The following PARD3 variants were observed in gnomAD, a reference collection of about 807,000 sequenced individuals.
PARD3 encodes par-3 family cell polarity regulator, also known as partitioning defective 3 homolog.
PARD3 carries 75 observed loss-of-function variants against 155.4 expected under a neutral mutation model. The observed-to-expected ratio is 0.48, with a 90% confidence interval of 0.40 to 0.58. The LOEUF (loss-of-function observed/expected upper bound fraction) is 0.58, where lower values mean the gene tolerates loss of function less well. Ranked by LOEUF, PARD3 falls within the 20% of genes least tolerant of loss-of-function variation. PARD3 has a pLI of 0.00. For synonymous variants in PARD3, 576 were observed against 610.5 expected, an observed-to-expected ratio of 0.94 and a Z score of 0.83; for missense variants, 1,642 against 1,721.7, an observed-to-expected ratio of 0.95 and a Z score of 0.82.
At chr10:34,489,143 G>C (rs1194296238) in intron 3 of PARD3, among the ~76,000 whole-genome samples, 1 of 152,184 alleles carries the variant, frequency 6.6e-6, no homozygotes, top group African/African-American at 2.4e-5. Flanking sequence ...TTCTAGACCA[G>C]CCTGGCCAAG....
chr10:34,491,342 C>G (rs1186405633), intron 3 of PARD3, among the ~76,000 whole-genome samples: 2 of 152,214 alleles, frequency 1.3e-5, no homozygotes, highest in East Asian at 3.8e-4. Flanking sequence ...GTTCTATCAA[C>G]TCAGAAAAGA....
At chr10:34,604,342 A>G (rs1003523587) in intron 2 of PARD3, among the ~76,000 whole-genome samples, 5 of 152,056 alleles carry the variant, frequency 3.3e-5, no homozygotes, top group Non-Finnish European at 7.4e-5. Context: ...GGCGAAATGT[A>G]GTCAGCTTCC....
chr10:34,143,052 T>C (rs1588913398), intron 22 of PARD3, among the ~76,000 whole-genome samples: 1 of 152,282 alleles, frequency 6.6e-6, no homozygotes, highest in East Asian at 1.9e-4. Context: ...CTGGGGGCGG[T>C]GGCTTATGCC....
chr10:34,392,652 C>A (rs1047081905), intron 7 of PARD3, among the ~76,000 whole-genome samples: 3 of 152,138 alleles, frequency 2.0e-5, no homozygotes, highest in Non-Finnish European at 4.4e-5. Context: ...TCTGTGAGTA[C>A]ATACTACTAA....
intron 2 of PARD3, among the ~76,000 whole-genome samples, chr10:34,569,400 C>T (rs1311345444): frequency 1.3e-5 from 2 of 152,096 alleles, no homozygotes; most frequent in Admixed American, 1.3e-4. Flanking sequence ...AAATATAACA[C>T]TGTGTTACAC....
At chr10:34,408,187 CTA>C (rs1404869743) in intron 5 of PARD3, among the ~76,000 whole-genome samples, 1 of 149,394 alleles carries the variant, frequency 6.7e-6, no homozygotes, top group Admixed American at 6.8e-5. Flanking sequence ...TCCAAAATAT[CTA>C]TCTTTGATTT....
chr10:34,370,894 T>C (rs1288669101), intron 12 of PARD3, among the ~76,000 whole-genome samples: 1 of 151,822 alleles, frequency 6.6e-6, no homozygotes, highest in African/African-American at 2.4e-5. Flanking sequence ...TCCATTTATT[T>C]TGAGATATGG....
intron 14 of PARD3, among the ~76,000 whole-genome samples, chr10:34,353,787 G>A (rs1038616697): frequency 2.6e-5 from 4 of 151,712 alleles, no homozygotes; most frequent in African/African-American, 9.6e-5. Flanking sequence ...TGTGTCCTTT[G>A]AGGTAAGTGA....
intron 1 of PARD3, among the ~76,000 whole-genome samples, chr10:34,708,704 T>C (rs367753775): frequency 1.4e-4 from 21 of 152,300 alleles, no homozygotes; most frequent in African/African-American, 4.8e-4. Context: ...GTTAAAAATA[T>C]GTCATTAAAA....
chr10:34,366,644 A>G (rs184664717), intron 12 of PARD3, among the ~76,000 whole-genome samples: 5 of 152,310 alleles, frequency 3.3e-5, no homozygotes, highest in African/African-American at 9.6e-5. Context: ...CAACAAACAG[A>G]GATTAAATAA....
chr10:34,366,319 A>G (rs866952286), intron 12 of PARD3, among the ~76,000 whole-genome samples: 1 of 152,250 alleles, frequency 6.6e-6, no homozygotes, highest in Non-Finnish European at 1.5e-5. Flanking sequence ...ACTGAAGGCT[A>G]AGGTAAACCT....
intron 8 of PARD3, among the ~76,000 whole-genome samples, chr10:34,383,581 C>G (rs1031963953): frequency 2.0e-5 from 3 of 152,174 alleles, no homozygotes; most frequent in Non-Finnish European, 4.4e-5. Context: ...GTTCCCTGGT[C>G]AGGACCTCAA....
At chr10:34,745,937 A>T (rs997420210) in intron 1 of PARD3, among the ~76,000 whole-genome samples, 4 of 151,898 alleles carry the variant, frequency 2.6e-5, no homozygotes, top group Non-Finnish European at 2.9e-5. Flanking sequence ...CGCCTCTACT[A>T]AAAAAATACA....
chr10:34,701,330 G>A (rs921019377), intron 1 of PARD3, among the ~76,000 whole-genome samples: 21 of 94,386 alleles, frequency 2.2e-4, no homozygotes, highest in African/African-American at 7.3e-4. Context: ...AATACACGCG[G>A]GGATGTTGTT....
At chr10:34,557,945 A>T (rs1252566338) in intron 2 of PARD3, among the ~76,000 whole-genome samples, 7 of 151,964 alleles carry the variant, frequency 4.6e-5, no homozygotes, top group Non-Finnish European at 7.4e-5. Flanking sequence ...CTCAAAAAAA[A>T]AAAAAAAAGA....
In PARD3 at chr10:34,413,140, TATATACAC is replaced by T. The variant is rs1252711573; in HGVS notation, c.715-11231_715-11224del. Among the ~76,000 whole-genome samples, 101 of 113,862 alleles carry T rather than the reference TATATACAC, an allele frequency of 8.9e-4. 1 individual carries two copies. Among genetic ancestry groups the T allele is most frequent in the African/African-American group, 3.0e-3 (96 of 31,564 alleles). 74.7% of individuals were successfully genotyped at this position (113,862 alleles called of 152,430 possible). A position where few individuals can be genotyped will look rare whatever the true frequency, so the allele number is the denominator to read the frequency against. On this transcript the variant is annotated intron_variant, in intron 5 of 24. Transcript: ENST00000374788. ...AAAACATTAGGCAGTACTTCAGATA[TATATACAC>T]ACACACACACACACACACACACACA...
chr10:34,433,705 T>C (rs180753422), intron 5 of PARD3, among the ~76,000 whole-genome samples: 140 of 152,276 alleles, frequency 9.2e-4, no homozygotes, highest in African/African-American at 2.9e-3. Context: ...TGTAAGAAAA[T>C]ATATACTATC....
chr10:34,364,664 G>A (rs1029272733), intron 12 of PARD3, among the ~76,000 whole-genome samples: 4 of 152,080 alleles, frequency 2.6e-5, no homozygotes, highest in African/African-American at 9.7e-5. Context: ...AAACTCCTGG[G>A]CTCAAGCAAT....
chr10:34,300,097 T>C (rs1201145228), intron 20 of PARD3, among the ~76,000 whole-genome samples: 1 of 152,198 alleles, frequency 6.6e-6, no homozygotes, highest in African/African-American at 2.4e-5. Context: ...TTCACATTAA[T>C]AGTTTGAACA....
Sources: gnomAD v4.1 joint callset for allele counts (sites outside exome capture counted in the v4.1 genomes callset) on GRCh38, gnomAD v4.1.1 for gene constraint, MANE v1.5 for transcripts, NCBI Gene and HGNC (gene_info 2026-07-23, HGNC 2026-07-21) for gene names.